The following SPEF2 variants were observed in gnomAD, a reference collection of about 807,000 sequenced individuals.
The protein encoded by SPEF2 is sperm flagellar and cilia associated 2.
SPEF2 carries 187 observed loss-of-function variants against 224.6 expected under a neutral mutation model. The ratio of observed to expected loss-of-function variants is 0.83; its 90% confidence interval spans 0.74 to 0.94. SPEF2 has a LOEUF of 0.94. Ranked by LOEUF, SPEF2 falls within the 40% of genes least tolerant of loss-of-function variation. SPEF2 has a pLI of 0.00. For synonymous variants in SPEF2, 715 were observed against 707.3 expected (o/e 1.01, Z -0.17); for missense variants, 2,170 against 2,135.6 (o/e 1.02, Z -0.32).
At chr5:35,754,860 C>G (rs993794195) in intron 24 of SPEF2, among the ~76,000 whole-genome samples, 2 of 152,182 alleles carry the variant, frequency 1.3e-5, no homozygotes, top group African/African-American at 4.8e-5. Context: ...TAAAGAGATA[C>G]TACAGGAAAT....
chr5:35,765,209 A>C (rs981492589), intron 26 of SPEF2, among the ~76,000 whole-genome samples: 1 of 152,118 alleles, frequency 6.6e-6, no homozygotes, highest in Admixed American at 6.5e-5. Flanking sequence ...AAATGGACTC[A>C]TATCTTTTGT....
Position 35,776,355 on chromosome 5 carries a change from G to C in SPEF2, c.4177G>C (p.Glu1393Gln). ...TKVVDVYKLMEKWLGERYLNE... is the reference protein window; with the variant it reads ...TKVVDVYKLMQKWLGERYLNE... ...GGTGGTTGATGTATATAAACTCATG[G>C]AAAAATGGCTTGGTGAGAGGTATTT... Residue 1393 changes from glutamate (E) to glutamine (Q), a missense_variant, in exon 29 of 37, where the codon GAA (glutamate) becomes CAA (glutamine). Transcript: ENST00000356031. The C allele has an allele frequency of 6.2e-7, 1 of 1,611,324 alleles. No individual in the cohort carries two copies. Among genetic ancestry groups the C allele is most frequent in the Non-Finnish European group, 8.5e-7 (1 of 1,178,858 alleles).
At chr5:35,655,579 A>G (rs1580142743) in intron 7 of SPEF2, among the ~76,000 whole-genome samples, 1 of 152,306 alleles carries the variant, frequency 6.6e-6, no homozygotes, top group South Asian at 2.1e-4. Flanking sequence ...GGACAATAGC[A>G]GAAGCATGGA....
At chr5:35,646,604 A>T (rs1161936060) in intron 4 of SPEF2, 63 bp from the exon 5 acceptor site, 8 of 1,469,442 alleles carry the variant, frequency 5.4e-6, no homozygotes, top group South Asian at 1.3e-5. Context: ...TGTACCTATG[A>T]GTGTATTATA....
intron 21 of SPEF2, among the ~76,000 whole-genome samples, chr5:35,734,798 G>A (rs370142155): frequency 6.4e-5 from 9 of 140,418 alleles, no homozygotes; most frequent in Non-Finnish European, 9.1e-5. Flanking sequence ...TGCAACCTCC[G>A]CCTCCCGGGT....
At chr5:35,659,745 CT>C (rs908315830) in intron 8 of SPEF2, among the ~76,000 whole-genome samples, 19 of 150,954 alleles carry the variant, frequency 1.3e-4, no homozygotes, top group African/African-American at 3.4e-4. Flanking sequence ...TTTTTAGATA[CT>C]TTTTTTTTCT....
intron 19 of SPEF2, chr5:35,709,656 CAG>C (rs55673505): frequency 0.78 from 767,139 of 984,304 alleles, 299,771 homozygotes; most frequent in Middle Eastern, 0.82. Flanking sequence ...TTTATGGACA[CAG>C]AGATAAAGAG....
chr5:35,667,213 G>C lies in SPEF2; in HGVS notation c.1309G>C (p.Val437Leu), dbSNP rs1222202254. Residue 437 changes from valine (V) to leucine (L), a missense_variant, in exon 9 of 37, where the codon GTT (valine) becomes CTT (leucine). Transcript: ENST00000356031. ...SVCAEILDQI[V>L]DLSTKVADYR... ...ATGTGCAGAAATTTTGGATCAAATA[G>C]TTGATTTGTCCACTAAAGTGGCAGA... 6.2e-7 allele frequency: 1 copy of C among 1,607,656 alleles called. No homozygotes were observed. Among genetic ancestry groups the C allele is most frequent in the Non-Finnish European group, 8.5e-7 (1 of 1,176,422 alleles).
chr5:35,692,699 T>C lies in SPEF2; in HGVS notation c.1874T>C (p.Leu625Pro). 6.2e-7 allele frequency: 1 copy of C among 1,613,220 alleles called. No homozygotes were observed. The highest frequency in any genetic ancestry group is 1.7e-5 in the Admixed American group (1 of 59,758). The change falls in exon 12 of 37, where the codon CTG (leucine) becomes CCG (proline). Residue 625 changes from leucine (L) to proline (P), a missense_variant. By Grantham distance (98) the Leu-to-Pro change is moderately conservative. Coordinates refer to ENST00000356031, the MANE Select transcript of SPEF2 (RefSeq NM_024867.4). Reference sequence around the variant, plus strand: ...GATGAAGAAGATGCTCTACCAGTTCTGCAAGAGGAGATTAAAGAAAGCCAG... The same window carrying C: ...GATGAAGAAGATGCTCTACCAGTTCCGCAAGAGGAGATTAAAGAAAGCCAG... Reference protein sequence around the residue: ...KNDEEDALPVLQEEIKESQDP... With the variant: ...KNDEEDALPVPQEEIKESQDP...
intron 30 of SPEF2, among the ~76,000 whole-genome samples, chr5:35,780,228 AAC>A (rs1223336463): frequency 1.3e-5 from 2 of 152,216 alleles, no homozygotes; most frequent in African/African-American, 2.4e-5. Context: ...TAGCATAGTC[AAC>A]TGACTTTAGT....
At position 35,705,723 on chromosome 5, in the gene SPEF2, A is replaced by T. The variant is rs1267411659; in HGVS notation, c.2580A>T (p.Lys860Asn). Residue 860 changes from lysine to asparagine, a missense_variant, in exon 18 of 37, where the codon AAA becomes AAT. Coordinates refer to ENST00000356031, the MANE Select transcript of SPEF2 (RefSeq NM_024867.4). Reference protein sequence around the residue: ...WFSEPENILIKINAEIDKESL... With the variant: ...WFSEPENILININAEIDKESL... ...CAGAGCCAGAAAATATTTTGATAAA[A>T]ATCAATGCTGAAATAGATAAGGAAT... 7 of 1,589,994 alleles carry T rather than the reference A, an allele frequency of 4.4e-6. No individual in the cohort carries two copies. The highest frequency in any genetic ancestry group is 6.0e-6 in the Non-Finnish European group (7 of 1,169,706).
chr5:35,697,914 G>A (rs1755565138), intron 15 of SPEF2, 121 bp downstream of exon 15: 1 of 633,512 alleles, frequency 1.6e-6, no homozygotes, highest in Non-Finnish European at 2.6e-6. Flanking sequence ...ATCTGTATAT[G>A]AAAATATACA....
intron 26 of SPEF2, among the ~76,000 whole-genome samples, chr5:35,765,965 C>G (rs973555136): frequency 6.6e-6 from 1 of 152,024 alleles, no homozygotes; most frequent in African/African-American, 2.4e-5. Flanking sequence ...ACATCACATT[C>G]CTGGAGTAAG....
chr5:35,788,291 C>T (rs1561365630), intron 30 of SPEF2: 2 of 702,842 alleles, frequency 2.8e-6, no homozygotes, highest in Non-Finnish European at 2.6e-6. Flanking sequence ...CGGACGTCCC[C>T]TCAAAGATTT....
chr5:35,771,898 TG>T, intron 27 of SPEF2, 142 bp downstream of exon 27: 1 of 1,072,872 alleles, frequency 9.3e-7, no homozygotes, highest in East Asian at 2.7e-5. Context: ...CGGGCTTCTA[TG>T]ATTTGTGGTG....
intron 16 of SPEF2, 131 bp downstream of exon 16, chr5:35,700,883 A>G (rs1194365028): frequency 2.0e-6 from 2 of 1,014,332 alleles, no homozygotes; most frequent in Non-Finnish European, 2.8e-6. Context: ...ATAATTATCT[A>G]GTTGAGCACA....
intron 14 of SPEF2, among the ~76,000 whole-genome samples, 156 bp from the exon 15 acceptor site, chr5:35,697,534 C>T (rs541618978): frequency 4.1e-4 from 62 of 152,194 alleles, no homozygotes; most frequent in Non-Finnish European, 7.5e-4. Context: ...ATTCTGTGCA[C>T]ACATTTTCCT....
intron 14 of SPEF2, 40 bp downstream of exon 14, chr5:35,695,836 A>C: frequency 6.8e-7 from 1 of 1,464,712 alleles, no homozygotes. Flanking sequence ...AACATATTAA[A>C]ACCTGTCATG....
At chr5:35,766,842 G>A (rs531526537) in intron 26 of SPEF2, among the ~76,000 whole-genome samples, 2 of 151,310 alleles carry the variant, frequency 1.3e-5, no homozygotes, top group African/African-American at 4.9e-5. Flanking sequence ...TTTTATCATC[G>A]AATTCAAAGC....
Sources: allele counts gnomAD v4.1 joint callset (sites outside exome capture counted in the v4.1 genomes callset), GRCh38; gene constraint gnomAD v4.1.1; transcripts MANE v1.5; gene names NCBI Gene and HGNC (gene_info 2026-07-23, HGNC 2026-07-21).